Variants in FYN observed in about 807,000 individuals in gnomAD.
FYN encodes the protein FYN proto-oncogene, Src family tyrosine kinase, also known as tyrosine-protein kinase Fyn.
A neutral mutation model predicts 70.2 loss-of-function variants in FYN; 10 were observed. The observed-to-expected ratio is 0.14, with a 90% CI of 0.09 to 0.24. The LOEUF is 0.24. FYN is among the 10% of genes least tolerant of loss of function. The pLI is 1.00. For missense variants in FYN, 319 were observed against 673.1 expected (o/e 0.47, Z 5.82); for synonymous variants, 236 against 248.6 (o/e 0.95, Z 0.48).
At chr6:111,767,494 C>T (rs1305573059) in intron 3 of FYN, among the ~76,000 whole-genome samples, 11 of 151,950 alleles carry the variant, frequency 7.2e-5, no homozygotes, top group African/African-American at 2.2e-4. Context: ...CTCTGCCTCC[C>T]GGGTTCAAGT....
At chr6:111,789,276 G>A (rs2128512017) in intron 2 of FYN, among the ~76,000 whole-genome samples, 1 of 152,280 alleles carries the variant, frequency 6.6e-6, no homozygotes, top group South Asian at 2.1e-4. Flanking sequence ...AGGGGTCCCA[G>A]CATCCATGGC....
chr6:111,752,219 C>T (rs1271212268), intron 3 of FYN, among the ~76,000 whole-genome samples: 1 of 152,166 alleles, frequency 6.6e-6, no homozygotes, highest in Non-Finnish European at 1.5e-5. Context: ...TTTATCCTCT[C>T]TTAAACCTCA....
chr6:111,663,336 A>G (rs1797850978), intron 13 of FYN, among the ~76,000 whole-genome samples: 1 of 152,196 alleles, frequency 6.6e-6, no homozygotes, highest in Non-Finnish European at 1.5e-5. Context: ...CTTCTAGGGG[A>G]GGTGGCGACC....
intron 1 of FYN, among the ~76,000 whole-genome samples, chr6:111,852,974 C>A (rs562309373): frequency 6.6e-6 from 1 of 152,184 alleles, no homozygotes; most frequent in Non-Finnish European, 1.5e-5. Flanking sequence ...TGTGCAAGAA[C>A]ACAACAAGGT....
chr6:111,766,805 C>T (rs1339795902), intron 3 of FYN, among the ~76,000 whole-genome samples: 21 of 152,252 alleles, frequency 1.4e-4, no homozygotes, highest in African/African-American at 4.3e-4. Context: ...TACTTCCCAC[C>T]GGGTCCCTCC....
At chr6:111,708,392 A>C (rs71564103) in intron 5 of FYN, among the ~76,000 whole-genome samples, 66 of 152,304 alleles carry the variant, frequency 4.3e-4, no homozygotes, top group Non-Finnish European at 7.8e-4. Context: ...ATCATCTGGG[A>C]AGGGAAGCTT....
At chr6:111,783,458 T>C (rs968352605) in intron 2 of FYN, among the ~76,000 whole-genome samples, 1 of 152,232 alleles carries the variant, frequency 6.6e-6, no homozygotes, top group Non-Finnish European at 1.5e-5. Flanking sequence ...ACACCAGATA[T>C]ATGGTATTCA....
chr6:111,728,194 G>A (rs999408788), intron 3 of FYN, among the ~76,000 whole-genome samples: 3 of 152,170 alleles, frequency 2.0e-5, no homozygotes, highest in African/African-American at 7.2e-5. Context: ...TGAAAACAAG[G>A]ATGATATGTT....
At chr6:111,686,407 C>T (rs1290448184) in intron 12 of FYN, among the ~76,000 whole-genome samples, 1 of 152,160 alleles carries the variant, frequency 6.6e-6, no homozygotes, top group African/African-American at 2.4e-5. Flanking sequence ...GAGGGCAGGG[C>T]ATTCTGTCGG....
intron 8 of FYN, among the ~76,000 whole-genome samples, chr6:111,700,553 TGAGCCCAG>T (rs1184131176): frequency 6.6e-6 from 1 of 152,210 alleles, no homozygotes; most frequent in Non-Finnish European, 1.5e-5. Context: ...GACTACTCCA[TGAGCCCAG>T]GTACGATACA....
intron 2 of FYN, among the ~76,000 whole-genome samples, chr6:111,796,542 T>C (rs1449470058): frequency 6.6e-6 from 1 of 152,238 alleles, no homozygotes; most frequent in African/African-American, 2.4e-5. Context: ...TTTCTCAGAA[T>C]GTATCCCTGT....
rs561850362 is a variant in FYN, at chr6:111,686,759, G to A, written c.1273+7616C>T. ...GAGAACAAGAAATTCATGTGCTGACGGGGGCAGAGGGAGGGCATCTCACGG... is the reference window on the plus strand; with the variant it reads ...GAGAACAAGAAATTCATGTGCTGACAGGGGCAGAGGGAGGGCATCTCACGG... On this transcript the variant is annotated intron_variant, in intron 12 of 13. Transcript: ENST00000354650. Among the ~76,000 whole-genome samples, 39 of 152,316 alleles carry A rather than the reference G, an allele frequency of 2.6e-4. 1 individual carries two copies. In the South Asian group the frequency reaches 8.1e-3, roughly 32 times the overall value.
At chr6:111,837,631 T>C (rs1773229470) in intron 2 of FYN, among the ~76,000 whole-genome samples, 1 of 152,230 alleles carries the variant, frequency 6.6e-6, no homozygotes, top group African/African-American at 2.4e-5. Context: ...CTCCCCTCAC[T>C]GGCATCTCTT....
intron 3 of FYN, among the ~76,000 whole-genome samples, chr6:111,726,054 G>A (rs1394798021): frequency 6.6e-6 from 1 of 152,208 alleles, no homozygotes; most frequent in African/African-American, 2.4e-5. Flanking sequence ...CCAGACACAT[G>A]GGTGGTCAGA....
At chr6:111,834,308 TGTGA>T (rs769959938) in intron 2 of FYN, among the ~76,000 whole-genome samples, 2 of 152,146 alleles carry the variant, frequency 1.3e-5, no homozygotes, top group African/African-American at 4.8e-5. Flanking sequence ...AATGTAGATG[TGTGA>T]GTGAGTGTGG....
intron 4 of FYN, 83 bp downstream of exon 4, chr6:111,719,722 G>A: frequency 6.8e-7 from 1 of 1,480,894 alleles, no homozygotes. Flanking sequence ...TCAAAGGGAA[G>A]TGATGGGAAC....
At chr6:111,859,813 T>C (rs1773912692) in intron 1 of FYN, among the ~76,000 whole-genome samples, 1 of 152,218 alleles carries the variant, frequency 6.6e-6, no homozygotes, top group African/African-American at 2.4e-5. Flanking sequence ...CATGCCCATC[T>C]GGAATCTGTG....
intron 13 of FYN, among the ~76,000 whole-genome samples, chr6:111,666,613 G>A (rs746013029): frequency 6.6e-5 from 10 of 152,262 alleles, no homozygotes; most frequent in Non-Finnish European, 1.3e-4. Flanking sequence ...CAGGCAGACC[G>A]CTTGAGCTCA....
chr6:111,780,369 C>T lies in FYN; in HGVS notation c.-12+197G>A, dbSNP rs556659938. On this transcript the variant is annotated intron_variant, in intron 3 of 13. Transcript: ENST00000354650. Reference sequence around the variant, plus strand: ...TTACGTTTTAGAAAACCCCATATTGCTTAATACTATCAGCAATAACAAGAA... The same window carrying T: ...TTACGTTTTAGAAAACCCCATATTGTTTAATACTATCAGCAATAACAAGAA... 6.2e-4 allele frequency among the ~76,000 whole-genome samples: 94 copies of T among 152,262 alleles called. 2 individuals carry two copies. The Middle Eastern group carries it at 0.01, about 17-fold the overall frequency.
Sources: allele counts gnomAD v4.1 joint callset (sites outside exome capture counted in the v4.1 genomes callset), GRCh38; gene constraint gnomAD v4.1.1; transcripts MANE v1.5; gene names NCBI Gene and HGNC (gene_info 2026-07-23, HGNC 2026-07-21).